The following CAST variants were observed in gnomAD, a reference collection of about 807,000 sequenced individuals.
The protein encoded by CAST is calpastatin, also known as MIR583 host.
In CAST, 76 loss-of-function variants were observed where a neutral mutation model predicts 119.6. The observed-to-expected ratio is 0.64, with a 90% CI of 0.53 to 0.77. The LOEUF is 0.77. Among genes scored for constraint, CAST ranks in the 30% least tolerant of loss-of-function variants. CAST has a pLI of 0.00. For missense variants in CAST, 953 were observed against 946.5 expected (o/e 1.01, Z -0.09); for synonymous variants, 319 against 331.6 (o/e 0.96, Z 0.41).
At chr5:96,152,608 A>C in the CAST span, among the ~76,000 whole-genome samples, 1 of 152,206 alleles carries the variant, frequency 6.6e-6, no homozygotes, top group Non-Finnish European at 1.5e-5. Context: ...GTGAAGAGAG[A>C]GGAAAAATGT....
the CAST span, among the ~76,000 whole-genome samples, chr5:96,164,432 T>G: frequency 3.3e-5 from 5 of 152,274 alleles, no homozygotes; most frequent in South Asian, 1.0e-3. Flanking sequence ...TTGGCTTCAG[T>G]TTGGATAATT....
chr5:96,306,426 G>A, the CAST span, among the ~76,000 whole-genome samples: 145 of 151,948 alleles, frequency 9.5e-4, 1 homozygote, highest in South Asian at 0.03. Flanking sequence ...TTTTTTGAAG[G>A]GTTTTTCATG....
At chr5:96,216,842 G>A in the CAST span, among the ~76,000 whole-genome samples, 154 of 152,106 alleles carry the variant, frequency 1.0e-3, no homozygotes, top group Middle Eastern at 0.01. Flanking sequence ...CAGTTTTCCC[G>A]TCATTCCTTT....
At chr5:96,153,446 C>T in the CAST span, among the ~76,000 whole-genome samples, 1 of 152,196 alleles carries the variant, frequency 6.6e-6, no homozygotes, top group African/African-American at 2.4e-5. Flanking sequence ...GGGCTGTCCT[C>T]TCTTCTGGTG....
intron 1 of CAST, among the ~76,000 whole-genome samples, chr5:96,621,394 C>T (rs112590856): frequency 0.03 from 4,578 of 152,162 alleles, 241 homozygotes; most frequent in African/African-American, 0.1. Context: ...AAGAAATACT[C>T]GAGACTGGGT....
the CAST span, among the ~76,000 whole-genome samples, chr5:96,006,101 T>A: frequency 6.6e-6 from 1 of 152,288 alleles, no homozygotes; most frequent in South Asian, 2.1e-4. Flanking sequence ...TGACAGATAT[T>A]TTTTCCATTA....
chr5:96,618,612 G>A (rs1324533247), intron 1 of CAST, among the ~76,000 whole-genome samples: 1 of 152,366 alleles, frequency 6.6e-6, no homozygotes, highest in African/African-American at 2.4e-5. Flanking sequence ...CGGGGCAGCG[G>A]GCTGGCCCCA....
At chr5:96,343,028 A>G in the CAST span, among the ~76,000 whole-genome samples, 378 of 152,328 alleles carry the variant, frequency 2.5e-3, 2 homozygotes, top group Non-Finnish European at 3.7e-3. Flanking sequence ...ATTGAAGGAA[A>G]TATTTTGTTT....
the CAST span, among the ~76,000 whole-genome samples, chr5:96,285,428 C>T: frequency 6.6e-6 from 1 of 152,150 alleles, no homozygotes; most frequent in Non-Finnish European, 1.5e-5. Context: ...GGATTAAGCT[C>T]CAGGTTTTTG....
At chr5:96,232,220 C>G in the CAST span, among the ~76,000 whole-genome samples, 1 of 151,896 alleles carries the variant, frequency 6.6e-6, no homozygotes, top group Admixed American at 6.6e-5. Context: ...ACTGATATCT[C>G]TGGAGGATGA....
the CAST span, among the ~76,000 whole-genome samples, chr5:96,037,118 C>T: frequency 1.4e-4 from 22 of 152,198 alleles, no homozygotes; most frequent in African/African-American, 5.3e-4. Context: ...CAATCCCCAC[C>T]ACATTAACTC....
At chr5:96,336,468 G>A in the CAST span, among the ~76,000 whole-genome samples, 1 of 152,172 alleles carries the variant, frequency 6.6e-6, no homozygotes, top group South Asian at 2.1e-4. Context: ...AGATATTTGT[G>A]TGCCCTGTTT....
At chr5:96,552,911 A>G (rs560240181) in intron 1 of CAST, among the ~76,000 whole-genome samples, 5 of 152,200 alleles carry the variant, frequency 3.3e-5, no homozygotes, top group Non-Finnish European at 7.3e-5. Flanking sequence ...AATTGAGGCA[A>G]TAATTAACAG....
chr5:96,204,794 A>G, the CAST span, among the ~76,000 whole-genome samples: 2 of 151,942 alleles, frequency 1.3e-5, no homozygotes, highest in East Asian at 1.9e-4. Context: ...CAGTGGTAAT[A>G]CCATATCAGG....
At chr5:96,644,159 T>A (rs1747989724) in intron 1 of CAST, among the ~76,000 whole-genome samples, 1 of 152,198 alleles carries the variant, frequency 6.6e-6, no homozygotes, top group Non-Finnish European at 1.5e-5. Context: ...ATTGTATACT[T>A]CATATGGGTG....
chr5:96,050,949 T>TATAATATATATATATATA, the CAST span, among the ~76,000 whole-genome samples: 35 of 152,288 alleles, frequency 2.3e-4, no homozygotes, highest in East Asian at 6.6e-3. Context: ...ATTTGAGGTC[T>TATAATATATATATATATA]TTGGACAATG....
intron 29 of CAST, chr5:96,768,802 T>TA (rs1201357065): frequency 6.3e-6 from 1 of 159,336 alleles, no homozygotes; most frequent in Non-Finnish European, 1.4e-5. Context: ...ATCAGCTCCT[T>TA]AGGGAAGACT....
At chr5:96,411,014 T>C in the CAST span, 2 of 1,472,350 alleles carry the variant, frequency 1.4e-6, no homozygotes, top group Non-Finnish European at 1.9e-6. Context: ...ATGCATATTA[T>C]CTGTTATCAT....
chr5:96,397,784 T>A, the CAST span, among the ~76,000 whole-genome samples: 3 of 151,528 alleles, frequency 2.0e-5, no homozygotes, highest in Admixed American at 6.6e-5. Context: ...CGAACTACAT[T>A]TACAAATTGA....
Sources: gnomAD v4.1 joint callset for allele counts (sites outside exome capture counted in the v4.1 genomes callset) on GRCh38, gnomAD v4.1.1 for gene constraint, MANE v1.5 for transcripts, NCBI Gene and HGNC (gene_info 2026-07-23, HGNC 2026-07-21) for gene names.